SNX18: variants seen among roughly 807,000 people sequenced by gnomAD.
SNX18 encodes the protein sorting nexin 18.
A neutral mutation model predicts 48.7 loss-of-function variants in SNX18; 35 were observed. The ratio of observed to expected loss-of-function variants is 0.72; its 90% CI spans 0.55 to 0.95. SNX18 has a LOEUF of 0.95. SNX18 is among the 40% of genes least tolerant of loss of function. SNX18 has a pLI of 0.00. For synonymous variants in SNX18, 492 were observed against 384.7 expected, an observed-to-expected ratio of 1.28 and a Z score of -3.26; for missense variants, 824 against 871.0, an observed-to-expected ratio of 0.95 and a Z score of 0.68.
At chr5:54,602,348 G>A in the SNX18 span, among the ~76,000 whole-genome samples, 1 of 152,186 alleles carries the variant, frequency 6.6e-6, no homozygotes, top group Non-Finnish European at 1.5e-5. Flanking sequence ...GGTGTCACTG[G>A]GAAAATGGCC....
At chr5:54,624,901 G>A in the SNX18 span, among the ~76,000 whole-genome samples, 1 of 152,112 alleles carries the variant, frequency 6.6e-6, no homozygotes, top group Admixed American at 6.5e-5. Flanking sequence ...CCCAAACCCC[G>A]TAAAATGTGG....
chr5:54,562,710 C>T, the SNX18 span, among the ~76,000 whole-genome samples: 1 of 152,204 alleles, frequency 6.6e-6, no homozygotes, highest in Non-Finnish European at 1.5e-5. Flanking sequence ...TATGTATTTA[C>T]TGTACTATAC....
chr5:54,540,186 A>G (rs2111594641), intron 1 of SNX18, among the ~76,000 whole-genome samples: 1 of 150,976 alleles, frequency 6.6e-6, no homozygotes, highest in South Asian at 2.1e-4. Context: ...CTGATTTAAT[A>G]AGTTGTAAAA....
At chr5:54,614,369 A>G in the SNX18 span, among the ~76,000 whole-genome samples, 2 of 152,256 alleles carry the variant, frequency 1.3e-5, no homozygotes, top group Non-Finnish European at 2.9e-5. Context: ...CCTCAGAGCT[A>G]AACTTCTAGA....
At chr5:54,604,719 T>C in the SNX18 span, among the ~76,000 whole-genome samples, 1 of 152,210 alleles carries the variant, frequency 6.6e-6, no homozygotes, top group African/African-American at 2.4e-5. Flanking sequence ...ATTGTAAATA[T>C]GCTTAATGTC....
At chr5:54,636,563 T>C in the SNX18 span, among the ~76,000 whole-genome samples, 2 of 152,178 alleles carry the variant, frequency 1.3e-5, no homozygotes, top group South Asian at 2.1e-4. Context: ...TCAACCTCTA[T>C]ACCTTTCCCC....
In SNX18 at chr5:54,541,411, T is replaced by G. The variant is rs544221188; in HGVS notation, c.1622-1768T>G. Among the ~76,000 whole-genome samples, 8 of 152,318 alleles carry G rather than the reference T, an allele frequency of 5.3e-5. No homozygotes were observed. The South Asian group carries it at 1.7e-3, about 32-fold the overall frequency. On this transcript the variant is annotated intron_variant, in intron 1 of 1. Transcript: ENST00000381410. ...ACAAAGATAAATGTTTTGCAATAAA[T>G]TATTATTAATTTTTTATGTTGGGGA...
At chr5:54,579,932 T>C in the SNX18 span, among the ~76,000 whole-genome samples, 266 of 152,314 alleles carry the variant, frequency 1.7e-3, no homozygotes, top group Middle Eastern at 0.017. Context: ...TTTTCTTGGG[T>C]ACAATATATG....
the SNX18 span, among the ~76,000 whole-genome samples, chr5:54,554,763 C>T: frequency 6.6e-6 from 1 of 152,156 alleles, no homozygotes; most frequent in African/African-American, 2.4e-5. Context: ...AACCAGAAGT[C>T]ATCCCAGGCT....
rs781313800 is a variant in SNX18 at position 54,545,474 on chromosome 5, G to A, written c.*2042G>A. ...AATGGTAGCATGGAAATTATCTGAG[G>A]TATATTGTATGATTGTACTTTAGCC... On this transcript the variant is annotated 3_prime_UTR_variant, in exon 2 of 2. Transcript: ENST00000381410. The A allele has an allele frequency of 1.3e-5, 2 of 151,462 alleles. No individual in the cohort carries two copies. The highest frequency in any genetic ancestry group is 4.9e-5 in the African/African-American group (2 of 41,198). The allele number at this position is 151,462 out of a possible 1,614,324, so 9.4% of individuals were successfully genotyped here.
At chr5:54,591,792 G>A in the SNX18 span, among the ~76,000 whole-genome samples, 2 of 152,208 alleles carry the variant, frequency 1.3e-5, no homozygotes, top group Non-Finnish European at 2.9e-5. Flanking sequence ...TTTAGACAGA[G>A]GTGCCACAAG....
the SNX18 span, among the ~76,000 whole-genome samples, chr5:54,582,250 C>A: frequency 6.6e-6 from 1 of 152,146 alleles, no homozygotes; most frequent in Non-Finnish European, 1.5e-5. Context: ...GCATCTTGTT[C>A]CTTTTTCCTC....
downstream of SNX18, among the ~76,000 whole-genome samples, chr5:54,548,015 G>A (rs3749713): frequency 0.051 from 7,744 of 152,236 alleles, 280 homozygotes; most frequent in East Asian, 0.15. Context: ...CAGGAAACCA[G>A]AAAAACCCAG....
chr5:54,540,835 A>T (rs1197935612), intron 1 of SNX18, among the ~76,000 whole-genome samples: 1 of 72,086 alleles, frequency 1.4e-5, no homozygotes, highest in Non-Finnish European at 3.2e-5. Context: ...TGAACATGGG[A>T]CTGGCTTCCT....
Position 54,519,276 on chromosome 5 carries a change from G to A in SNX18, c.1324G>A (p.Ala442Thr), listed in dbSNP as rs1434866835. 6.2e-7 allele frequency: 1 copy of A among 1,614,022 alleles called. No individual in the cohort carries two copies. ...CTTCACCAAGAAGATGGACGACAGC[G>A]CGCTGCAGCTCAACCACACGGCCAA... The part of the protein sequence containing the change: ...KCFTKKMDDS[A>T]LQLNHTANEF... Residue 442 changes from alanine to threonine, a missense_variant, in exon 1 of 2, where the codon GCG becomes ACG. By Grantham distance (58) the Ala-to-Thr change is moderately conservative (BLOSUM62 0). This residue lies in a region of SNX18 where 443 missense variants were observed against 503.6 expected (regional missense o/e 0.88). Transcript: ENST00000381410.
At chr5:54,570,629 A>G in the SNX18 span, among the ~76,000 whole-genome samples, 1 of 152,222 alleles carries the variant, frequency 6.6e-6, no homozygotes, top group African/African-American at 2.4e-5. Flanking sequence ...TTTCCTCCAC[A>G]GAGCCTAGCA....
chr5:54,626,324 T>TG, the SNX18 span, among the ~76,000 whole-genome samples: 63 of 152,332 alleles, frequency 4.1e-4, no homozygotes, highest in African/African-American at 1.5e-3. Context: ...ATTTCTTTTC[T>TG]TCTTCTTTTT....
chr5:54,552,106 C>T, the SNX18 span, among the ~76,000 whole-genome samples: 2 of 152,156 alleles, frequency 1.3e-5, no homozygotes, highest in African/African-American at 4.8e-5. Flanking sequence ...CTGTGGGTGC[C>T]GCGTCTGTCC....
At chr5:54,581,625 G>A in the SNX18 span, among the ~76,000 whole-genome samples, 1 of 152,026 alleles carries the variant, frequency 6.6e-6, no homozygotes, top group African/African-American at 2.4e-5. Flanking sequence ...CTGCAGCTTT[G>A]TGTTTACCAT....
Sources: gnomAD v4.1 joint callset for allele counts (sites outside exome capture counted in the v4.1 genomes callset) on GRCh38, gnomAD v4.1.1 for gene constraint, gnomAD v4.1.1 regional missense constraint, MANE v1.5 for transcripts, NCBI Gene and HGNC (gene_info 2026-07-23, HGNC 2026-07-21) for gene names.